PUDP: variants seen among roughly 807,000 people sequenced by gnomAD.
The protein encoded by PUDP is pseudouridine-5'-phosphatase.
A neutral mutation model predicts 9.4 loss-of-function variants in PUDP; 8 were observed. The ratio of observed to expected loss-of-function variants is 0.85; its 90% CI spans 0.50 to 1.53. The LOEUF (loss-of-function observed/expected upper bound fraction) is 1.53, where lower values mean the gene tolerates loss of function less well. Among genes scored for constraint, PUDP ranks in the 40% most tolerant of loss-of-function variants. The pLI is 0.00. For missense variants in PUDP, 188 were observed against 189.7 expected (o/e 0.99, Z 0.05); for synonymous variants, 99 against 80.7 (o/e 1.23, Z -1.22).
At chrX:6,861,422 C>T (rs1449575624) in intron 3 of PUDP, among the ~76,000 whole-genome samples, 1 of 111,685 alleles carries the variant, frequency 9.0e-6, no homozygotes, top group African/African-American at 3.3e-5. Context: ...ATCACCTTTC[C>T]CCTAATGCTT....
chrX:6,840,334 A>G (rs1926649014), intron 3 of PUDP, among the ~76,000 whole-genome samples: 1 of 112,272 alleles, frequency 8.9e-6, no homozygotes, highest in Non-Finnish European at 1.9e-5. Context: ...TGTCTTTATC[A>G]GCAGCATGAG....
intron 1 of PUDP, among the ~76,000 whole-genome samples, chrX:7,002,272 T>G (rs1352468100): frequency 9.0e-6 from 1 of 111,725 alleles, no homozygotes; most frequent in Admixed American, 9.5e-5. Context: ...GGCAGAAACT[T>G]AAAAATCTAG....
intron 3 of PUDP, among the ~76,000 whole-genome samples, chrX:6,791,330 A>AC (rs1925744940): frequency 9.1e-6 from 1 of 109,528 alleles, no homozygotes; most frequent in Admixed American, 9.8e-5. Context: ...AAAAAAAAAA[A>AC]AAGAAGAAGG....
chrX:6,863,348 G>A (rs1395208030), intron 3 of PUDP, among the ~76,000 whole-genome samples: 2 of 112,632 alleles, frequency 1.8e-5, no homozygotes, highest in South Asian at 3.7e-4. Context: ...AAAAGAAGAC[G>A]AGGATGGCTA....
At chrX:6,870,192 A>C (rs1927153546) in intron 3 of PUDP, among the ~76,000 whole-genome samples, 1 of 111,922 alleles carries the variant, frequency 8.9e-6, no homozygotes, top group African/African-American at 3.3e-5. Context: ...ATGGATACAG[A>C]GTCTTAGTTT....
intron 3 of PUDP, among the ~76,000 whole-genome samples, chrX:6,760,707 C>A (rs899000307): frequency 5.4e-5 from 6 of 112,040 alleles, no homozygotes; most frequent in African/African-American, 1.9e-4. Flanking sequence ...CATTCTTATT[C>A]TTTTTTCTTC....
At chrX:7,138,533 A>C (rs1932770360) in intron 1 of PUDP, among the ~76,000 whole-genome samples, 1 of 110,602 alleles carries the variant, frequency 9.0e-6, no homozygotes, top group Middle Eastern at 4.6e-3. Context: ...TCACCATGCC[A>C]GACTAATTTT....
chrX:6,918,190 C>G (rs1024476252), intron 3 of PUDP, among the ~76,000 whole-genome samples: 1 of 112,264 alleles, frequency 8.9e-6, no homozygotes, highest in African/African-American at 3.2e-5. Flanking sequence ...CCACACACAG[C>G]TCTTTGGATA....
At chrX:7,143,725 C>T (rs1479037251) in intron 1 of PUDP, among the ~76,000 whole-genome samples, 4 of 112,113 alleles carry the variant, frequency 3.6e-5, no homozygotes, top group South Asian at 7.4e-4. Flanking sequence ...TAGGAACACA[C>T]GTGTCTTGTG....
At chrX:6,899,716 G>A (rs1927646478) in intron 3 of PUDP, among the ~76,000 whole-genome samples, 1 of 110,031 alleles carries the variant, frequency 9.1e-6, no homozygotes, top group Admixed American at 9.8e-5. Flanking sequence ...TGATGAAGAT[G>A]AACTGTAACC....
chrX:6,877,515 T>C (rs998140526), intron 3 of PUDP, among the ~76,000 whole-genome samples: 11 of 111,093 alleles, frequency 9.9e-5, no homozygotes, highest in African/African-American at 3.6e-4. Context: ...AAGGAAGGAT[T>C]AGATTTCCCT....
intron 2 of PUDP, among the ~76,000 whole-genome samples, chrX:7,087,400 C>T (rs774310127): frequency 5.4e-5 from 6 of 111,511 alleles, no homozygotes; most frequent in African/African-American, 2.0e-4. Context: ...TGCAGCCCTG[C>T]TCACACCTTG....
At chrX:6,869,391 GA>G (rs1228743210) in intron 3 of PUDP, among the ~76,000 whole-genome samples, 1 of 111,957 alleles carries the variant, frequency 8.9e-6, no homozygotes, top group Non-Finnish European at 1.9e-5. Context: ...GAATTACCTG[GA>G]GATTTCTCCC....
At chrX:7,081,511 G>A (rs930106674) in intron 2 of PUDP, among the ~76,000 whole-genome samples, 1 of 112,476 alleles carries the variant, frequency 8.9e-6, no homozygotes. Context: ...TATTTCTAAG[G>A]TGGAGTAGAT....
At chrX:6,778,479 T>C (rs1318230401) in intron 3 of PUDP, among the ~76,000 whole-genome samples, 1 of 112,539 alleles carries the variant, frequency 8.9e-6, no homozygotes, top group African/African-American at 3.2e-5. Flanking sequence ...GAATTAACAC[T>C]CCTCAAGTTC....
intron 3 of PUDP, among the ~76,000 whole-genome samples, chrX:6,818,462 C>T (rs755444939): frequency 8.9e-6 from 1 of 112,391 alleles, no homozygotes; most frequent in South Asian, 3.7e-4. Context: ...ATATTTATGA[C>T]TGTGCAAATT....
intron 3 of PUDP, among the ~76,000 whole-genome samples, chrX:6,841,410 A>G (rs914713685): frequency 1.6e-4 from 18 of 110,360 alleles, no homozygotes; most frequent in African/African-American, 5.9e-4. Flanking sequence ...TGGACAACAC[A>G]GCAAAACTCT....
intron 1 of PUDP, among the ~76,000 whole-genome samples, chrX:7,106,769 C>T (rs1268844735): frequency 8.9e-6 from 1 of 111,851 alleles, no homozygotes; most frequent in African/African-American, 3.3e-5. Context: ...GTCTTCCCCA[C>T]TCTGTCTCCA....
intron 1 of PUDP, among the ~76,000 whole-genome samples, chrX:7,026,078 A>G (rs1929705023): frequency 8.9e-6 from 1 of 112,318 alleles, no homozygotes; most frequent in Non-Finnish European, 1.9e-5. Flanking sequence ...TTATTCTTAT[A>G]TTAAACTGGA....
Sources: allele counts gnomAD v4.1 joint callset (sites outside exome capture counted in the v4.1 genomes callset), GRCh38; gene constraint gnomAD v4.1.1; transcripts MANE v1.5; gene names NCBI Gene and HGNC (gene_info 2026-07-23, HGNC 2026-07-21).